NRIP3: variants seen among roughly 807,000 people sequenced by gnomAD.
The protein encoded by NRIP3 is nuclear receptor-interacting protein 3.
In NRIP3, 31 loss-of-function variants were observed where a neutral mutation model predicts 29.0. The observed-to-expected ratio is 1.07, with a 90% CI of 0.80 to 1.44. The LOEUF is 1.44. NRIP3 is among the 40% of genes most tolerant of loss of function. The pLI is 0.00. For missense variants in NRIP3, 314 were observed against 297.9 expected, an observed-to-expected ratio of 1.05 and a Z score of -0.40; for synonymous variants, 131 against 118.3, an observed-to-expected ratio of 1.11 and a Z score of -0.70.
intron 3 of NRIP3, among the ~76,000 whole-genome samples, chr11:8,986,132 C>T (rs1425952893): frequency 6.6e-6 from 1 of 152,230 alleles, no homozygotes; most frequent in Non-Finnish European, 1.5e-5. Context: ...GAATCCTATT[C>T]TGTATCCTAC....
At chr11:8,991,219 T>G (rs1488621817) in intron 1 of NRIP3, among the ~76,000 whole-genome samples, 1 of 152,044 alleles carries the variant, frequency 6.6e-6, no homozygotes, top group Non-Finnish European at 1.5e-5. Context: ...GAGAATGGCA[T>G]GAACCCGGGA....
intron 1 of NRIP3, among the ~76,000 whole-genome samples, chr11:8,994,251 T>G (rs1854662553): frequency 6.6e-6 from 1 of 152,182 alleles, no homozygotes; most frequent in Non-Finnish European, 1.5e-5. Flanking sequence ...ATCAATTGCT[T>G]TTATCAGAAA....
rs1302416094 is a variant in NRIP3, at chr11:8,983,557, A to G, written c.714T>C (p.Thr238=). Residue 238 remains threonine, a synonymous_variant, in exon 7 of 7, where the codon ACT becomes ACC. Coordinates refer to ENST00000309166, the MANE Select transcript of NRIP3 (RefSeq NM_020645.3). ...VETVSLNEDN[T]SEA Reference sequence around the variant, plus strand: ...CTGCAGGCTGTAGTTATGCTTCTGAAGTGCTGAAATGAGAAATAAATATCA... The same window carrying G: ...CTGCAGGCTGTAGTTATGCTTCTGAGGTGCTGAAATGAGAAATAAATATCA... The G allele has an allele frequency of 6.2e-7, 1 of 1,613,604 alleles. No individual in the cohort carries two copies. Among genetic ancestry groups the G allele is most frequent in the Non-Finnish European group, 8.5e-7 (1 of 1,179,692 alleles).
At chr11:8,990,988 C>G (rs1220355337) in intron 1 of NRIP3, among the ~76,000 whole-genome samples, 1 of 152,042 alleles carries the variant, frequency 6.6e-6, no homozygotes, top group East Asian at 1.9e-4. Context: ...CTGAAATTTT[C>G]TATTTTCATT....
intron 1 of NRIP3, among the ~76,000 whole-genome samples, chr11:8,997,785 A>G (rs959400821): frequency 2.0e-5 from 3 of 152,246 alleles, no homozygotes; most frequent in Non-Finnish European, 4.4e-5. Flanking sequence ...AGGATACCAT[A>G]GAATCATAAT....
intron 1 of NRIP3, among the ~76,000 whole-genome samples, chr11:9,002,506 T>G (rs1405070791): frequency 8.8e-6 from 1 of 113,458 alleles, no homozygotes; most frequent in Non-Finnish European, 1.8e-5. Context: ...TGCACAGAAG[T>G]AACTAATGGC....
chr11:8,990,905 T>C (rs1233163488), intron 1 of NRIP3, among the ~76,000 whole-genome samples: 1 of 152,236 alleles, frequency 6.6e-6, no homozygotes, highest in African/African-American at 2.4e-5. Context: ...CCATTAAATT[T>C]AGAAATATAT....
At chr11:8,987,514 A>C (rs1354941037) in intron 3 of NRIP3, 34 bp downstream of exon 3, 2 of 1,452,744 alleles carry the variant, frequency 1.4e-6, no homozygotes, top group African/African-American at 1.4e-5. Context: ...GTACAGTCAC[A>C]TCTAAGTTCC....
At chr11:9,003,043 A>C (rs932253117) in intron 1 of NRIP3, among the ~76,000 whole-genome samples, 1 of 152,134 alleles carries the variant, frequency 6.6e-6, no homozygotes, top group African/African-American at 2.4e-5. Context: ...TGCCAGGAAC[A>C]ACTGTGCTAG....
rs576612772 is a variant in NRIP3, at chr11:8,988,998, T to C, written c.175-716A>G. On this transcript the variant is annotated intron_variant, in intron 1 of 6. Coordinates refer to ENST00000309166, the MANE Select transcript of NRIP3 (RefSeq NM_020645.3). The stretch of plus-strand genomic sequence containing the variant: ...CACTGGTTTCTCCTGCCCTATCTTG[T>C]CATCCATTTCCCTTCCCTTCAATGG... Among the ~76,000 whole-genome samples the C allele has an allele frequency of 3.9e-5, 6 of 152,360 alleles. No homozygotes were observed. In the South Asian group the frequency reaches 1.2e-3, roughly 32 times the overall value.
At chr11:8,988,335 C>G (rs1854550281) in intron 1 of NRIP3, 53 bp from the exon 2 acceptor site, 1 of 1,452,168 alleles carries the variant, frequency 6.9e-7, no homozygotes, top group Middle Eastern at 2.1e-4. Flanking sequence ...TCCCTCTTTC[C>G]CATTGTCCCC....
Position 8,982,720 on chromosome 11 carries a change from A to C in NRIP3, c.*825T>G, listed in dbSNP as rs1222967370. The C allele has an allele frequency of 3.7e-6, 1 of 268,708 alleles. No homozygotes were observed. Among genetic ancestry groups the C allele is most frequent in the Admixed American group, 5.0e-5 (1 of 20,032 alleles). The allele number at this position is 268,708 out of a possible 1,614,324, so 16.6% of individuals were successfully genotyped here. Reference sequence around the variant, plus strand: ...TTTAGGCACCAAGATGAGGGCCTAAATGTGACAGTTTGGGGCAAGGAACTT... The same window carrying C: ...TTTAGGCACCAAGATGAGGGCCTAACTGTGACAGTTTGGGGCAAGGAACTT... On this transcript the variant is annotated 3_prime_UTR_variant, in exon 7 of 7. Transcript: ENST00000309166.
rs1315300092 is a variant in NRIP3, at chr11:8,981,989, G to A, written c.*1556C>T. 1.3e-5 allele frequency: 2 copies of A among 152,192 alleles called. No individual in the cohort carries two copies. The highest frequency in any genetic ancestry group is 2.9e-5 in the Non-Finnish European group (2 of 68,058). The allele number at this position is 152,192 out of a possible 1,614,324, so 9.4% of individuals were successfully genotyped here. A position where few individuals can be genotyped will look rare whatever the true frequency, so the allele number is the denominator to read the frequency against. Reference sequence around the variant, plus strand: ...GGGGCAGTTGCTGAACACCAGACAAGGTAGTTGGTAGTACTTGGCAAAGTT... The same window carrying A: ...GGGGCAGTTGCTGAACACCAGACAAAGTAGTTGGTAGTACTTGGCAAAGTT... On this transcript the variant is annotated 3_prime_UTR_variant, in exon 7 of 7. Coordinates refer to ENST00000309166, the MANE Select transcript of NRIP3 (RefSeq NM_020645.3).
chr11:8,989,463 G>A (rs953424695), intron 1 of NRIP3, among the ~76,000 whole-genome samples: 15 of 152,208 alleles, frequency 9.9e-5, no homozygotes, highest in Non-Finnish European at 1.9e-4. Context: ...CCTTTCAAGG[G>A]GAGGGGCTGG....
intron 1 of NRIP3, among the ~76,000 whole-genome samples, chr11:8,994,399 T>C (rs1318092196): frequency 6.6e-6 from 1 of 152,174 alleles, no homozygotes; most frequent in Non-Finnish European, 1.5e-5. Flanking sequence ...GAGTTCAGCA[T>C]AAAGAAAAGG....
intron 1 of NRIP3, among the ~76,000 whole-genome samples, chr11:8,993,557 C>A (rs1333622738): frequency 1.3e-5 from 2 of 151,826 alleles, no homozygotes; most frequent in African/African-American, 4.8e-5. Context: ...ACCTGTAATC[C>A]CAGCACTTTG....
chr11:8,994,732 C>T (rs1037440498), intron 1 of NRIP3, among the ~76,000 whole-genome samples: 6 of 152,206 alleles, frequency 3.9e-5, no homozygotes, highest in African/African-American at 1.4e-4. Context: ...GCCTCTAAAA[C>T]CACCTGTTTA....
In NRIP3 at chr11:9,003,820, TC is replaced by T; in HGVS notation, c.115del (p.Asp39ThrfsTer61). 1 of 1,517,248 alleles carries T rather than the reference TC, an allele frequency of 6.6e-7. No homozygotes were observed. Among genetic ancestry groups the T allele is most frequent in the East Asian group, 2.8e-5 (1 of 35,426 alleles). 94.0% of individuals were successfully genotyped at this position (1,517,248 alleles called of 1,614,324 possible). ...GTCCAGGGGCAGCAGGTCGGCGGAG[TC>T]CTTGTGGATGAACTGCACCGCCTGC... ...MKQAVQFIHK[D>X]SADLLPLDGL... is the part of the protein sequence containing the mutation. On this transcript the variant is annotated frameshift_variant, in exon 1 of 7. Coordinates refer to ENST00000309166, the MANE Select transcript of NRIP3 (RefSeq NM_020645.3). LOFTEE classifies it high-confidence loss of function.
chr11:8,993,308 C>T (rs1240090730), intron 1 of NRIP3, among the ~76,000 whole-genome samples: 1 of 151,656 alleles, frequency 6.6e-6, no homozygotes, highest in Non-Finnish European at 1.5e-5. Context: ...TTTTAAACAC[C>T]AAGGAAATTA....
Sources: allele counts gnomAD v4.1 joint callset (sites outside exome capture counted in the v4.1 genomes callset), GRCh38; gene constraint gnomAD v4.1.1; transcripts MANE v1.5; gene names NCBI Gene and HGNC (gene_info 2026-07-23, HGNC 2026-07-21).